The following MAF variants were observed in gnomAD, a reference collection of about 807,000 sequenced individuals.
MAF encodes transcription factor Maf.
In MAF, 10 loss-of-function variants were observed where a neutral mutation model predicts 22.0. That is an observed-to-expected ratio of 0.45 (90% confidence interval 0.28 to 0.77). The LOEUF is 0.77. Ranked by LOEUF, MAF falls within the 30% of genes least tolerant of loss-of-function variation. The probability of loss-of-function intolerance (pLI) is 0.12; values close to 1 mark genes in which losing one functional copy is unlikely to be tolerated. For synonymous variants in MAF, 337 were observed against 255.8 expected (o/e 1.32, Z -3.03); for missense variants, 544 against 548.4 (o/e 0.99, Z 0.08).
the MAF span, among the ~76,000 whole-genome samples, chr16:79,366,879 T>G: frequency 6.6e-6 from 1 of 152,200 alleles, no homozygotes; most frequent in African/African-American, 2.4e-5. Context: ...CCATACAAAC[T>G]CCTACCAAGA....
the MAF span, among the ~76,000 whole-genome samples, chr16:79,575,695 G>A: frequency 6.6e-6 from 1 of 152,144 alleles, no homozygotes; most frequent in Non-Finnish European, 1.5e-5. Flanking sequence ...AGGAACGTGG[G>A]ACAAAGAGAA....
chr16:79,253,160 A>G, the MAF span, among the ~76,000 whole-genome samples: 2 of 152,286 alleles, frequency 1.3e-5, no homozygotes, highest in South Asian at 4.1e-4. Context: ...TGACCTTTGC[A>G]AGGCACAGCC....
chr16:79,596,744 CTG>C, intron 1 of MAF: 2 of 1,044,936 alleles, frequency 1.9e-6, no homozygotes, highest in African/African-American at 1.7e-5. Context: ...GCCTTTAAAA[CTG>C]TGGATTTTTT....
At chr16:79,585,113 T>A (rs1399642670), downstream of MAF, among the ~76,000 whole-genome samples, 2 of 152,200 alleles carry the variant, frequency 1.3e-5, no homozygotes, top group Non-Finnish European at 2.9e-5. Context: ...TAAGAATACA[T>A]AAAACTATCA....
chr16:79,564,945 G>A, the MAF span, among the ~76,000 whole-genome samples: 1 of 152,198 alleles, frequency 6.6e-6, no homozygotes, highest in Non-Finnish European at 1.5e-5. Flanking sequence ...GTGGGCTGGT[G>A]TAAAAAATGT....
At chr16:79,527,906 C>A in the MAF span, among the ~76,000 whole-genome samples, 2 of 152,068 alleles carry the variant, frequency 1.3e-5, no homozygotes, top group Non-Finnish European at 2.9e-5. Flanking sequence ...CTTTGGGAGG[C>A]CGGGGTGGGT....
At chr16:79,456,562 A>G in the MAF span, among the ~76,000 whole-genome samples, 1 of 152,170 alleles carries the variant, frequency 6.6e-6, no homozygotes, top group Non-Finnish European at 1.5e-5. Context: ...TCTCAACTTT[A>G]AACCATGCTC....
At chr16:79,585,895 C>T in exon 2 of MAF, 1 of 680,146 alleles carries the variant, frequency 1.5e-6, no homozygotes, top group Non-Finnish European at 2.6e-6. Context: ...TGACTTCAGG[C>T]AACTGGATTT....
At chr16:79,509,218 A>G in the MAF span, among the ~76,000 whole-genome samples, 1 of 152,164 alleles carries the variant, frequency 6.6e-6, no homozygotes, top group Non-Finnish European at 1.5e-5. Flanking sequence ...TTCTAAGCAG[A>G]AGCAGAATAA....
the MAF span, among the ~76,000 whole-genome samples, chr16:79,283,151 A>G: frequency 7.4e-4 from 113 of 152,328 alleles, 2 homozygotes; most frequent in Admixed American, 3.5e-3. Flanking sequence ...TGTCCTTCAC[A>G]TATTTATGGC....
the MAF span, among the ~76,000 whole-genome samples, chr16:79,233,091 C>T: frequency 2.6e-5 from 4 of 151,902 alleles, no homozygotes; most frequent in African/African-American, 4.8e-5. Flanking sequence ...CTGCCCACCT[C>T]GGCCTCCCAA....
the MAF span, among the ~76,000 whole-genome samples, chr16:79,440,524 C>A: frequency 2.0e-5 from 3 of 152,196 alleles, no homozygotes; most frequent in Non-Finnish European, 4.4e-5. Context: ...CAACCTCTGC[C>A]TCCCAGGTTC....
At chr16:79,568,370 G>T in the MAF span, among the ~76,000 whole-genome samples, 1 of 152,286 alleles carries the variant, frequency 6.6e-6, no homozygotes, top group Middle Eastern at 3.4e-3. Flanking sequence ...ACAGACCTGG[G>T]TTCAAATTCC....
At chr16:79,219,483 G>A in the MAF span, among the ~76,000 whole-genome samples, 2 of 150,932 alleles carry the variant, frequency 1.3e-5, no homozygotes, top group Admixed American at 6.6e-5. Context: ...CCCGGGGGGC[G>A]GAGCCTAAAG....
At chr16:79,491,992 C>T in the MAF span, among the ~76,000 whole-genome samples, 3 of 152,094 alleles carry the variant, frequency 2.0e-5, no homozygotes, top group Non-Finnish European at 4.4e-5. Context: ...CTGAGAAGAC[C>T]CCAGTCCAAG....
chr16:79,312,687 A>G, the MAF span, among the ~76,000 whole-genome samples: 1 of 152,234 alleles, frequency 6.6e-6, no homozygotes, highest in Non-Finnish European at 1.5e-5. Context: ...ATTATTCTGT[A>G]ACCCAGTGAG....
the MAF span, among the ~76,000 whole-genome samples, chr16:79,427,059 G>A: frequency 5.3e-5 from 8 of 152,218 alleles, no homozygotes; most frequent in South Asian, 4.1e-4. Flanking sequence ...TTGCTGCACC[G>A]AAAAGTCCAG....
chr16:79,443,750 T>C, the MAF span, among the ~76,000 whole-genome samples: 1 of 152,228 alleles, frequency 6.6e-6, no homozygotes, highest in Non-Finnish European at 1.5e-5. Flanking sequence ...GCCTGGATGA[T>C]GTATTTCACT....
chr16:79,238,165 G>A, the MAF span, among the ~76,000 whole-genome samples: 2 of 152,178 alleles, frequency 1.3e-5, no homozygotes, highest in African/African-American at 4.8e-5. Context: ...CAACTACAGA[G>A]CTCAACCCTT....
Sources: gnomAD v4.1 joint callset for allele counts (sites outside exome capture counted in the v4.1 genomes callset) on GRCh38, gnomAD v4.1.1 for gene constraint, MANE v1.5 for transcripts, NCBI Gene and HGNC (gene_info 2026-07-23, HGNC 2026-07-21) for gene names.